Variants in TRIM31 observed in about 807,000 individuals in gnomAD.
The protein encoded by TRIM31 is tripartite motif containing 31.
TRIM31 carries 31 observed loss-of-function variants against 40.6 expected under a neutral mutation model. That is an observed-to-expected ratio of 0.76 (90% CI 0.57 to 1.03). The LOEUF is 1.03. TRIM31 is among the 50% of genes least tolerant of loss of function. TRIM31 has a pLI of 0.00. For missense variants in TRIM31, 455 were observed against 497.5 expected, an observed-to-expected ratio of 0.91 and a Z score of 0.81; for synonymous variants, 164 against 193.9, an observed-to-expected ratio of 0.85 and a Z score of 1.28.
rs1373946924 is a variant in TRIM31 at position 30,110,515 on chromosome 6, T to C, written c.677A>G (p.Asn226Ser). 1 of 1,614,052 alleles carries C rather than the reference T, an allele frequency of 6.2e-7. No homozygotes were observed. Among genetic ancestry groups the C allele is most frequent in the African/African-American group, 1.3e-5 (1 of 74,900 alleles). ...HYVASTEPQL[N>S]DLKKLVDSLK... is the part of the protein sequence containing the mutation. ...GGAATCAACGAGCTTCTTGAGATCG[T>C]TCAACTGTGGCTCAGTGGAGGCAAC... Residue 226 changes from asparagine (N) to serine (S), a missense_variant, in exon 4 of 9, where the codon AAC (asparagine) becomes AGC (serine). Coordinates refer to ENST00000376734, the MANE Select transcript of TRIM31 (RefSeq NM_007028.5).
chr6:30,103,723 G>T lies in TRIM31; in HGVS notation c.1091C>A (p.Ala364Asp). 6.2e-7 allele frequency: 1 copy of T among 1,613,096 alleles called. No homozygotes were observed. Residue 364 changes from alanine to aspartate, a missense_variant, in exon 9 of 9, where the codon GCC becomes GAC. Transcript: ENST00000376734. ...SSAPSHSLFR[A>D]SSAGKVTFPV... ...AAAAGTGACTTTCCCAGCAGACGAG[G>T]CCCGAAACAGGGAGTGGGATGGGGC...
Position 30,111,995 on chromosome 6 carries a change from C to A in TRIM31, c.418-252G>T, listed in dbSNP as rs1028816376. 4.4e-5 allele frequency: 25 copies of A among 568,428 alleles called. No homozygotes were observed. The African/African-American group carries it at 4.7e-4, about 11-fold the overall frequency. 35.2% of individuals were successfully genotyped at this position (568,428 alleles called of 1,614,324 possible). A position where few individuals can be genotyped will look rare whatever the true frequency, so the allele number is the denominator to read the frequency against. On this transcript the variant is annotated intron_variant, in intron 2 of 8. Coordinates refer to ENST00000376734, the MANE Select transcript of TRIM31 (RefSeq NM_007028.5). ...ACTATGGATGGTGCTTTGGAATTAT[C>A]AAAGAACTACAAACTTCCCTTCATC...
chr6:30,109,051 A>G lies in TRIM31; in HGVS notation c.745-3T>C. 1 of 1,612,992 alleles carries G rather than the reference A, an allele frequency of 6.2e-7. No individual in the cohort carries two copies. The highest frequency in any genetic ancestry group is 8.5e-7 in the Non-Finnish European group (1 of 1,180,006). On this transcript the variant is annotated splice_region_variant and splice_polypyrimidine_tract_variant and intron_variant, in intron 4 of 8. Coordinates refer to ENST00000376734, the MANE Select transcript of TRIM31 (RefSeq NM_007028.5). The stretch of plus-strand genomic sequence containing the variant: ...CTGCACAAGACGACTTTGATATCCT[A>G]GAAGAGAAAGAGAAACAGCACAGCC...
At position 30,103,160 on chromosome 6, in the gene TRIM31, C is replaced by T. The variant is rs1110446; in HGVS notation, c.*376G>A. On this transcript the variant is annotated 3_prime_UTR_variant, in exon 9 of 9. Transcript: ENST00000376734. The stretch of plus-strand genomic sequence containing the variant: ...GACCCAGGCTGGCGTTGCTCCTCTC[C>T]GGATTTCACTCCTGGCTGAACTGGT... 59,925 of 277,852 alleles carry T rather than the reference C, an allele frequency of 0.22. 6,919 individuals are homozygous for T. Among genetic ancestry groups the T allele is most frequent in the Middle Eastern group, 0.27 (241 of 884 alleles). 17.2% of individuals were successfully genotyped at this position (277,852 alleles called of 1,614,324 possible).
chr6:30,112,062 A>G, intron 2 of TRIM31: 1 of 547,142 alleles, frequency 1.8e-6, no homozygotes, highest in East Asian at 3.0e-5. Context: ...TGTTTTTGCC[A>G]TTTGAAAGGT....
Position 30,106,118 on chromosome 6 carries a change from G to A in TRIM31, c.884-876C>T, listed in dbSNP as rs1365267498. On this transcript the variant is annotated intron_variant, in intron 6 of 8. Transcript: ENST00000376734. ...GCCTAGATTTCCTGTAGGGGTGCTG[G>A]ACTGAGTGGAGAACTATAGGGTGGA... Among the ~76,000 whole-genome samples, 5 of 152,322 alleles carry A rather than the reference G, an allele frequency of 3.3e-5. No individual in the cohort carries two copies. The East Asian group carries it at 5.8e-4, about 18-fold the overall frequency.
chr6:30,112,083 A>G, intron 2 of TRIM31: 2 of 551,328 alleles, frequency 3.6e-6, no homozygotes, highest in Non-Finnish European at 6.3e-6. Context: ...GAGGTACCTG[A>G]GGCTCAGAGA....
intron 6 of TRIM31, among the ~76,000 whole-genome samples, chr6:30,106,513 C>T (rs1768713893): frequency 6.6e-6 from 1 of 152,074 alleles, no homozygotes; most frequent in African/African-American, 2.4e-5. Flanking sequence ...GACTCCCTAC[C>T]ACCTCCTGTA....
At chr6:30,108,887 G>T in intron 5 of TRIM31, 139 bp downstream of exon 5, 1 of 927,752 alleles carries the variant, frequency 1.1e-6, no homozygotes, top group Non-Finnish European at 1.8e-6. Context: ...TTCCCCGGCT[G>T]CAGCCTAAAT....
At chr6:30,108,255 G>T in intron 5 of TRIM31, 87 bp from the exon 6 acceptor site, 1 of 938,012 alleles carries the variant, frequency 1.1e-6, no homozygotes, top group Non-Finnish European at 1.7e-6. Context: ...TGAGAAATGA[G>T]GGGATGAAGA....
In TRIM31 at chr6:30,111,858, A is replaced by G. The variant is rs914236968; in HGVS notation, c.418-115T>C. ...TCTCCAGGTGAGTCCTTGTGTAATT[A>G]TTAAGGACTCGCCTTTCTCAAGCTG... On this transcript the variant is annotated intron_variant, in intron 2 of 8. Transcript: ENST00000376734. 8.5e-6 allele frequency: 8 copies of G among 940,400 alleles called. No homozygotes were observed. The African/African-American group carries it at 1.1e-4, about 13-fold the overall frequency. 58.3% of individuals were successfully genotyped at this position (940,400 alleles called of 1,614,324 possible).
At chr6:30,111,361 C>A in intron 3 of TRIM31, 1 of 421,676 alleles carries the variant, frequency 2.4e-6, no homozygotes. Flanking sequence ...ATTGGGGAAT[C>A]CGTTGAGGGC....
In TRIM31 at chr6:30,112,905, G is replaced by A; in HGVS notation, c.-83-17C>T. On this transcript the variant is annotated splice_polypyrimidine_tract_variant and intron_variant, in intron 1 of 8. Coordinates refer to ENST00000376734, the MANE Select transcript of TRIM31 (RefSeq NM_007028.5). ...ATACTGTTTCTAGGAAGGGAGAAGG[G>A]AGTCAGAGAAAGTGGAGGTCAGAGA... 8.0e-7 allele frequency: 1 copy of A among 1,247,270 alleles called. No individual in the cohort carries two copies. The highest frequency in any genetic ancestry group is 1.7e-5 in the South Asian group (1 of 59,120). 77.3% of individuals were successfully genotyped at this position (1,247,270 alleles called of 1,614,324 possible).
intron 7 of TRIM31, 114 bp from the exon 8 acceptor site, chr6:30,104,281 G>T: frequency 9.6e-7 from 1 of 1,042,756 alleles, no homozygotes. Context: ...TTCTCAGTGG[G>T]ACCCATTCCC....
intron 7 of TRIM31, 152 bp from the exon 8 acceptor site, chr6:30,104,319 C>T: frequency 1.3e-6 from 1 of 745,200 alleles, no homozygotes. Context: ...GGAAACCTTT[C>T]AGGTTGTCTC....
chr6:30,112,628 C>T lies in TRIM31; in HGVS notation c.178G>A (p.Val60Ile), dbSNP rs143020056. The T allele has an allele frequency of 0.011, 17,449 of 1,613,078 alleles. 932 individuals are homozygous for T. The South Asian group carries it at 0.13, about 12-fold the overall frequency. The change falls in exon 2 of 9, where the codon GTA becomes ATA. Residue 60 changes from valine (V) to isoleucine (I), a missense_variant. Transcript: ENST00000376734. ...FFKCPLCKTS[V>I]RKNAIRFNSL... is the part of the protein sequence containing the mutation. ...TTGAACCTGATTGCGTTCTTCCTTACGGAAGTTTTGCAGAGGGGACATTTG... is the reference window on the plus strand; with the variant it reads ...TTGAACCTGATTGCGTTCTTCCTTATGGAAGTTTTGCAGAGGGGACATTTG...
intron 1 of TRIM31, 55 bp downstream of exon 1, chr6:30,113,009 A>C: frequency 1.9e-6 from 1 of 535,818 alleles, no homozygotes. Flanking sequence ...GAAAAGCGTA[A>C]AATTTAGGAT....
Position 30,108,432 on chromosome 6 carries a change from G to A in TRIM31, c.768-264C>T, listed in dbSNP as rs918174513. On this transcript the variant is annotated intron_variant, in intron 5 of 8. Transcript: ENST00000376734. Reference sequence around the variant, plus strand: ...AAATTAGCCAGGCTTGGTGGCAAGCGCCTGTAGTCTCAGCTACTTGGGAGG... The same window carrying A: ...AAATTAGCCAGGCTTGGTGGCAAGCACCTGTAGTCTCAGCTACTTGGGAGG... 2.0e-5 allele frequency among the ~76,000 whole-genome samples: 3 copies of A among 151,808 alleles called. 1 individual carries two copies. The highest frequency in any genetic ancestry group is 4.8e-5 in the African/African-American group (2 of 41,298).
Position 30,105,473 on chromosome 6 carries a change from T to C in TRIM31, c.884-231A>G, listed in dbSNP as rs115232465. The C allele has an allele frequency of 2.8e-3, 1,022 of 360,152 alleles. 9 individuals carry two copies. Among genetic ancestry groups the C allele is most frequent in the African/African-American group, 0.019 (920 of 48,038 alleles). 22.3% of individuals were successfully genotyped at this position (360,152 alleles called of 1,614,324 possible). A position where few individuals can be genotyped will look rare whatever the true frequency, so the allele number is the denominator to read the frequency against. ...TGTCCAGTATGAATGATGAATGTAA[T>C]CTGAGTCACGAATGTGAGCCACTTA... On this transcript the variant is annotated intron_variant, in intron 6 of 8. Coordinates refer to ENST00000376734, the MANE Select transcript of TRIM31 (RefSeq NM_007028.5).
Sources: allele counts gnomAD v4.1 joint callset (sites outside exome capture counted in the v4.1 genomes callset), GRCh38; gene constraint gnomAD v4.1.1; transcripts MANE v1.5; gene names NCBI Gene and HGNC (gene_info 2026-07-23, HGNC 2026-07-21).